The following FARP1 variants were observed in gnomAD, a reference collection of about 807,000 sequenced individuals.
FARP1 encodes FERM, ARH/RhoGEF and pleckstrin domain protein 1.
FARP1 carries 52 observed loss-of-function variants against 128.8 expected under a neutral mutation model. The ratio of observed to expected loss-of-function variants is 0.40; its 90% CI spans 0.32 to 0.51. FARP1 has a LOEUF of 0.51. Among genes scored for constraint, FARP1 ranks in the 20% least tolerant of loss-of-function variants. FARP1 has a pLI of 0.45. For missense variants in FARP1, 1,333 were observed against 1,367.9 expected, an observed-to-expected ratio of 0.97 and a Z score of 0.40; for synonymous variants, 580 against 551.8, an observed-to-expected ratio of 1.05 and a Z score of -0.72.
intron 1 of FARP1, among the ~76,000 whole-genome samples, chr13:98,171,095 G>C (rs546885252): frequency 6.6e-6 from 1 of 152,338 alleles, no homozygotes; most frequent in East Asian, 1.9e-4. Flanking sequence ...TATTCTGGAA[G>C]CAGGATGGAA....
chr13:98,254,162 C>G (rs769501134), intron 2 of FARP1, among the ~76,000 whole-genome samples: 2 of 152,178 alleles, frequency 1.3e-5, no homozygotes, highest in Non-Finnish European at 2.9e-5. Context: ...CTGAAAAGTA[C>G]TAAGTGTTCT....
rs374474083 is a variant in FARP1, at chr13:98,351,440, G to A, written c.276+7574G>A. Among the ~76,000 whole-genome samples, 60 of 152,116 alleles carry A rather than the reference G, an allele frequency of 3.9e-4. 1 individual carries two copies. The South Asian group carries it at 1.0e-2, about 25-fold the overall frequency. ...ATCCTGGCTAACAGGGTGAAACCCC[G>A]TCTCTACTAAAAATACGAAAAATTA... On this transcript the variant is annotated intron_variant, in intron 3 of 26. Coordinates refer to ENST00000319562, the MANE Select transcript of FARP1 (RefSeq NM_005766.4).
At chr13:98,370,263 C>T (rs191015615) in intron 5 of FARP1, among the ~76,000 whole-genome samples, 81 of 152,256 alleles carry the variant, frequency 5.3e-4, no homozygotes, top group Middle Eastern at 3.4e-3. Flanking sequence ...CATTCAAATA[C>T]ATAAAGGAGG....
chr13:98,435,786 AAG>A (rs750836355), intron 19 of FARP1, 80 bp downstream of exon 19: 2 of 1,467,062 alleles, frequency 1.4e-6, no homozygotes, highest in African/African-American at 1.4e-5. Flanking sequence ...GAACCTTTTG[AAG>A]AGAGACCCTT....
intron 19 of FARP1, among the ~76,000 whole-genome samples, chr13:98,437,541 G>A (rs534343548): frequency 4.0e-5 from 6 of 151,836 alleles, no homozygotes; most frequent in African/African-American, 1.2e-4. Flanking sequence ...GATTTTTACC[G>A]GGTGGTGTCT....
chr13:98,318,015 A>G (rs1313016987), intron 2 of FARP1, among the ~76,000 whole-genome samples: 1 of 102,734 alleles, frequency 9.7e-6, no homozygotes, highest in South Asian at 3.2e-4. Context: ...CTCCCTCTTC[A>G]TCTCCTTCTT....
At chr13:98,367,015 T>G (rs571983995) in intron 4 of FARP1, among the ~76,000 whole-genome samples, 10 of 152,352 alleles carry the variant, frequency 6.6e-5, no homozygotes, top group African/African-American at 2.4e-4. Context: ...GATTTCATTA[T>G]AGTACCTTAT....
chr13:98,360,253 G>A (rs1277783013), intron 3 of FARP1, among the ~76,000 whole-genome samples: 4 of 151,976 alleles, frequency 2.6e-5, no homozygotes, highest in South Asian at 4.1e-4. Flanking sequence ...GCGCCACCAC[G>A]GCTGGCTAAT....
At chr13:98,441,869 C>T (rs868621302) in intron 24 of FARP1, among the ~76,000 whole-genome samples, 1 of 152,140 alleles carries the variant, frequency 6.6e-6, no homozygotes, top group African/African-American at 2.4e-5. Context: ...GAGCCCACCA[C>T]CTGAAAGTTG....
Position 98,438,889 on chromosome 13 carries a change from G to T in FARP1, c.2343+17G>T, listed in dbSNP as rs373661307. On this transcript the variant is annotated intron_variant, in intron 20 of 26. Coordinates refer to ENST00000319562, the MANE Select transcript of FARP1 (RefSeq NM_005766.4). ...TTCTTCCTGGTGAGTGGAGAGAGCGGCTTGTCCTCACAAGGATTGTGTCAC... is the reference window on the plus strand; with the variant it reads ...TTCTTCCTGGTGAGTGGAGAGAGCGTCTTGTCCTCACAAGGATTGTGTCAC... 27 of 1,612,348 alleles carry T rather than the reference G, an allele frequency of 1.7e-5. No homozygotes were observed. The highest frequency in any genetic ancestry group is 8.3e-5 in the Admixed American group (5 of 60,004).
chr13:98,377,696 T>C, intron 5 of FARP1, 125 bp from the exon 6 acceptor site: 1 of 674,006 alleles, frequency 1.5e-6, no homozygotes, highest in South Asian at 1.7e-5. Context: ...CTGGAATCCG[T>C]TCCAGCCCAT....
At chr13:98,365,467 T>A (rs199869944) in intron 4 of FARP1, 30 bp downstream of exon 4, 2 of 1,511,284 alleles carry the variant, frequency 1.3e-6, no homozygotes, top group Non-Finnish European at 1.8e-6. Flanking sequence ...TTAATAGTGA[T>A]GTGAAATCTG....
intron 1 of FARP1, among the ~76,000 whole-genome samples, chr13:98,185,699 T>G (rs1332598132): frequency 1.5e-4 from 22 of 151,638 alleles, no homozygotes; most frequent in East Asian, 9.7e-4. Flanking sequence ...TTGATGGGTT[T>G]GTTTGTTTGT....
intron 3 of FARP1, among the ~76,000 whole-genome samples, chr13:98,351,394 C>A (rs1888416011): frequency 1.3e-5 from 2 of 152,132 alleles, no homozygotes; most frequent in Non-Finnish European, 2.9e-5. Flanking sequence ...AGGCAGATCA[C>A]AAGGTCAGGA....
At chr13:98,146,279 A>G (rs961353655) in intron 1 of FARP1, among the ~76,000 whole-genome samples, 10 of 151,916 alleles carry the variant, frequency 6.6e-5, no homozygotes, top group African/African-American at 2.2e-4. Context: ...CCCAGGCTGG[A>G]GTGCAATGGC....
chr13:98,220,305 G>GA (rs1193175531), intron 2 of FARP1, among the ~76,000 whole-genome samples: 1 of 152,148 alleles, frequency 6.6e-6, no homozygotes, highest in African/African-American at 2.4e-5. Context: ...GGTGGAGGAG[G>GA]AGGAGGATAG....
intron 3 of FARP1, 31 bp from the exon 4 acceptor site, chr13:98,365,364 A>T: frequency 6.4e-7 from 1 of 1,561,848 alleles, no homozygotes; most frequent in Non-Finnish European, 8.8e-7. Flanking sequence ...TTGAGAACTT[A>T]GGTCTTAATC....
chr13:98,339,964 C>T (rs1303758727), intron 2 of FARP1, among the ~76,000 whole-genome samples: 3 of 152,156 alleles, frequency 2.0e-5, no homozygotes, highest in Admixed American at 1.3e-4. Flanking sequence ...TCCATACATT[C>T]ACAGAAACCG....
At position 98,453,219 on chromosome 13, in the gene FARP1, AAGAG is replaced by A. The variant is rs748089047; in HGVS notation, c.*4912_*4915del. ...ACCACTTAGAGAGTATCTAGGGAAA[AAGAG>A]AGAGAGAGAAGTCAACACATGTCAT... On this transcript the variant is annotated 3_prime_UTR_variant, in exon 27 of 27. Transcript: ENST00000319562. 229 of 1,610,198 alleles carry A rather than the reference AAGAG, an allele frequency of 1.4e-4. No homozygotes were observed. The highest frequency in any genetic ancestry group is 8.3e-4 in the Middle Eastern group (5 of 6,050).
Sources: gnomAD v4.1 joint callset for allele counts (sites outside exome capture counted in the v4.1 genomes callset) on GRCh38, gnomAD v4.1.1 for gene constraint, MANE v1.5 for transcripts, NCBI Gene and HGNC (gene_info 2026-07-23, HGNC 2026-07-21) for gene names.